SLC8A1: variants seen among roughly 807,000 people sequenced by gnomAD.
The protein encoded by SLC8A1 is sodium/calcium exchanger 1.
In SLC8A1, 18 loss-of-function variants were observed where a neutral mutation model predicts 68.3. The observed-to-expected ratio is 0.26, with a 90% CI of 0.18 to 0.39. The LOEUF is 0.39. Among genes scored for constraint, SLC8A1 ranks in the 10% least tolerant of loss-of-function variants. The probability of loss-of-function intolerance (pLI) is 1.00; values close to 1 mark genes in which losing one functional copy is unlikely to be tolerated. For synonymous variants in SLC8A1, 475 were observed against 415.5 expected, an observed-to-expected ratio of 1.14 and a Z score of -1.74; for missense variants, 985 against 1,156.7, an observed-to-expected ratio of 0.85 and a Z score of 2.15.
chr2:40,117,841 T>C (rs911829632), intron 7 of SLC8A1, among the ~76,000 whole-genome samples: 1 of 152,164 alleles, frequency 6.6e-6, no homozygotes, highest in South Asian at 2.1e-4. Flanking sequence ...GGGGAAGATA[T>C]GTACAGCATG....
chr2:40,344,216 A>C (rs1484089897), intron 2 of SLC8A1, among the ~76,000 whole-genome samples: 1 of 152,322 alleles, frequency 6.6e-6, no homozygotes, highest in Non-Finnish European at 1.5e-5. Flanking sequence ...TGTCAACAGC[A>C]AAGTATCTAA....
chr2:40,248,655 T>C (rs2062244322), intron 2 of SLC8A1, among the ~76,000 whole-genome samples: 1 of 152,156 alleles, frequency 6.6e-6, no homozygotes, highest in Non-Finnish European at 1.5e-5. Context: ...GGTAATAAAA[T>C]ATGTCATTTT....
chr2:40,433,829 G>A (rs1049131408), intron 1 of SLC8A1, among the ~76,000 whole-genome samples: 3 of 152,166 alleles, frequency 2.0e-5, no homozygotes, highest in African/African-American at 2.4e-5. Flanking sequence ...GGACTAGCCC[G>A]TTGGAAAGCC....
intron 1 of SLC8A1, among the ~76,000 whole-genome samples, chr2:40,482,499 G>A (rs926362952): frequency 6.6e-6 from 1 of 152,162 alleles, no homozygotes; most frequent in Non-Finnish European, 1.5e-5. Flanking sequence ...GGTCCCTGAA[G>A]CATAAGCTTC....
At chr2:40,253,042 T>TAG (rs1395230226) in intron 2 of SLC8A1, among the ~76,000 whole-genome samples, 6 of 138,774 alleles carry the variant, frequency 4.3e-5, no homozygotes, top group Non-Finnish European at 9.3e-5. Context: ...TATGTATCAG[T>TAG]ATATGTATAT....
intron 1 of SLC8A1, among the ~76,000 whole-genome samples, chr2:40,467,475 C>T (rs1166754257): frequency 6.6e-6 from 1 of 152,114 alleles, no homozygotes; most frequent in Non-Finnish European, 1.5e-5. Flanking sequence ...ATTTTATTCA[C>T]TCCTCTAAAT....
intron 1 of SLC8A1, among the ~76,000 whole-genome samples, chr2:40,462,310 A>T (rs1021582377): frequency 2.6e-5 from 4 of 151,908 alleles, no homozygotes; most frequent in African/African-American, 7.2e-5. Flanking sequence ...CCCAGCCATA[A>T]AATCCTACAT....
chr2:40,105,376 A>G (rs1423010212), exon 8 of SLC8A1: 1 of 152,234 alleles, frequency 6.6e-6, no homozygotes, highest in East Asian at 1.9e-4. Flanking sequence ...TACAAAATAA[A>G]TCCAGTCTTT....
At chr2:40,149,020 CTCTT>C in intron 6 of SLC8A1, among the ~76,000 whole-genome samples, 1 of 152,330 alleles carries the variant, frequency 6.6e-6, no homozygotes, top group East Asian at 1.9e-4. Context: ...TGGAAAATCT[CTCTT>C]TCCCTCCTAT....
intron 2 of SLC8A1, among the ~76,000 whole-genome samples, chr2:40,258,855 AC>A: frequency 6.6e-6 from 1 of 151,962 alleles, no homozygotes; most frequent in East Asian, 1.9e-4. Context: ...AAAACAAAAA[AC>A]AAACAAAAAA....
Position 40,439,877 on chromosome 2 carries a change from G to T in SLC8A1, c.-24-9573C>A, listed in dbSNP as rs528473647. ...CTCACATAAGGGTGACTCTCCATCA[G>T]TGTTGTATGCTACAATTTTCTAAAG... On this transcript the variant is annotated intron_variant, in intron 1 of 7. Transcript: ENST00000406785. 4.6e-5 allele frequency among the ~76,000 whole-genome samples: 7 copies of T among 152,150 alleles called. No homozygotes were observed. In the East Asian group the frequency reaches 1.2e-3, roughly 25 times the overall value.
chr2:40,223,303 G>C (rs1439651369), intron 2 of SLC8A1, among the ~76,000 whole-genome samples: 1 of 152,136 alleles, frequency 6.6e-6, no homozygotes, highest in African/African-American at 2.4e-5. Context: ...ACTCATAAGT[G>C]GGAGTTGAAC....
chr2:40,455,951 T>A (rs530654673), upstream of SLC8A1, among the ~76,000 whole-genome samples: 1 of 149,204 alleles, frequency 6.7e-6, no homozygotes, highest in Non-Finnish European at 1.5e-5. Flanking sequence ...TTCCTCTGAG[T>A]CGCCAATGAA....
intron 2 of SLC8A1, among the ~76,000 whole-genome samples, chr2:40,248,252 C>T (rs1243693397): frequency 6.6e-6 from 1 of 151,866 alleles, no homozygotes; most frequent in East Asian, 1.9e-4. Context: ...TCTAAGTTTC[C>T]CTATTGCTAA....
At chr2:40,391,190 T>TTACACACACATGTATATATA (rs141265677) in intron 2 of SLC8A1, among the ~76,000 whole-genome samples, 43,246 of 149,100 alleles carry the variant, frequency 0.29, 7,435 homozygotes, top group Non-Finnish European at 0.38. Context: ...TGTATATATA[T>TTACACACACATGTATATATA]TACACACACA....
intron 2 of SLC8A1, among the ~76,000 whole-genome samples, chr2:40,280,251 T>TA (rs67427562): frequency 0.49 from 46,240 of 93,894 alleles, 12,926 homozygotes; most frequent in Non-Finnish European, 0.62. Context: ...AAATAAACAC[T>TA]AAAAAAAAAA....
At chr2:40,245,811 A>G (rs769167130) in intron 2 of SLC8A1, among the ~76,000 whole-genome samples, 14 of 152,210 alleles carry the variant, frequency 9.2e-5, no homozygotes, top group Non-Finnish European at 2.1e-4. Flanking sequence ...TCTAAGCTAC[A>G]ATTAAATCTC....
At chr2:40,158,854 C>T (rs1261758957) in intron 6 of SLC8A1, among the ~76,000 whole-genome samples, 1 of 152,110 alleles carries the variant, frequency 6.6e-6, no homozygotes, top group Non-Finnish European at 1.5e-5. Context: ...AAGTCAAAAT[C>T]CACCTCTTTT....
In SLC8A1 at chr2:40,432,666, A is replaced by G. The variant is rs374025370; in HGVS notation, c.-24-2362T>C. 2.6e-3 allele frequency among the ~76,000 whole-genome samples: 393 copies of G among 152,080 alleles called. 1 individual carries two copies. Among genetic ancestry groups the G allele is most frequent in the African/African-American group, 9.0e-3 (373 of 41,504 alleles). On this transcript the variant is annotated intron_variant, in intron 1 of 7. Coordinates refer to ENST00000406785, the Ensembl canonical transcript of SLC8A1. ...GTAATGGACCAAGGGGGCAGGGCTC[A>G]GGAGTGGGAATGGATCAGAGAACAC...
Sources: gnomAD v4.1 joint callset for allele counts (sites outside exome capture counted in the v4.1 genomes callset) on GRCh38, gnomAD v4.1.1 for gene constraint, MANE v1.5 for transcripts, NCBI Gene and HGNC (gene_info 2026-07-23, HGNC 2026-07-21) for gene names.